The following FYN variants were observed in gnomAD, a reference collection of about 807,000 sequenced individuals.
The protein encoded by FYN is tyrosine-protein kinase Fyn.
In FYN, 10 loss-of-function variants were observed where a neutral mutation model predicts 70.2. The observed-to-expected ratio is 0.14, with a 90% confidence interval of 0.09 to 0.24. The LOEUF (loss-of-function observed/expected upper bound fraction) is 0.24, where lower values mean the gene tolerates loss of function less well. FYN is among the 10% of genes least tolerant of loss of function. The pLI, the probability that FYN is intolerant of heterozygous loss-of-function variation, is 1.00. For synonymous variants in FYN, 236 were observed against 248.6 expected, an observed-to-expected ratio of 0.95 and a Z score of 0.48; for missense variants, 319 against 673.1, an observed-to-expected ratio of 0.47 and a Z score of 5.82.
chr6:111,666,162 A>C (rs942970179), intron 13 of FYN, among the ~76,000 whole-genome samples: 1 of 151,992 alleles, frequency 6.6e-6, no homozygotes, highest in Non-Finnish European at 1.5e-5. Context: ...TTCTTAACAG[A>C]AAGAAGAGAC....
intron 1 of FYN, among the ~76,000 whole-genome samples, chr6:111,862,859 A>C (rs1774002171): frequency 6.6e-6 from 1 of 152,224 alleles, no homozygotes; most frequent in Admixed American, 6.5e-5. Flanking sequence ...GGGCCTAGAC[A>C]GGTGAGTAGA....
rs1341148310 is a variant in FYN at position 111,694,568 on chromosome 6, C to T, written c.1120-40G>A. On this transcript the variant is annotated intron_variant, in intron 11 of 13. Coordinates refer to ENST00000354650, the MANE Select transcript of FYN (RefSeq NM_002037.5). The surrounding 1 kb of genome is among the most constrained non-coding windows in gnomAD (Gnocchi z 5.0). Reference sequence around the variant, plus strand: ...GGAACAGGACATGTTACACCACGACCCAATGTACTTAGACACGTCATTAAA... The same window carrying T: ...GGAACAGGACATGTTACACCACGACTCAATGTACTTAGACACGTCATTAAA... 1.2e-6 allele frequency: 2 copies of T among 1,613,752 alleles called. No homozygotes were observed. Among genetic ancestry groups the T allele is most frequent in the South Asian group, 1.1e-5 (1 of 91,036 alleles).
At chr6:111,695,310 C>A (rs1226980720) in intron 10 of FYN, among the ~76,000 whole-genome samples, 1 of 152,148 alleles carries the variant, frequency 6.6e-6, no homozygotes, top group Non-Finnish European at 1.5e-5. Context: ...CAAGAAAAGA[C>A]AATCTGAAGA....
chr6:111,671,192 G>A (rs1375979838), intron 13 of FYN, among the ~76,000 whole-genome samples: 2 of 151,818 alleles, frequency 1.3e-5, no homozygotes, highest in East Asian at 1.9e-4. Flanking sequence ...TTTTTCCTTC[G>A]GCTTCCAGGT....
chr6:111,756,655 A>T (rs982928407), intron 3 of FYN, among the ~76,000 whole-genome samples: 2 of 152,236 alleles, frequency 1.3e-5, no homozygotes, highest in East Asian at 3.8e-4. Flanking sequence ...TGCAAGGATG[A>T]TTTAACTTTA....
rs1315558777 is a variant in FYN at position 111,660,568 on chromosome 6, A to G, written c.*1171T>C. 1 of 152,224 alleles carries G rather than the reference A, an allele frequency of 6.6e-6. No homozygotes were observed. Among genetic ancestry groups the G allele is most frequent in the African/African-American group, 2.4e-5 (1 of 41,450 alleles). 9.4% of individuals were successfully genotyped at this position (152,224 alleles called of 1,614,324 possible). On this transcript the variant is annotated 3_prime_UTR_variant, in exon 14 of 14. Transcript: ENST00000354650. ...TACTTTTTTGTTTTTGTGCATCCCC[A>G]TGAAATGTAAAGTAGTGCATAGTTA...
chr6:111,864,311 T>C (rs1044759744), intron 1 of FYN, among the ~76,000 whole-genome samples: 6 of 152,326 alleles, frequency 3.9e-5, no homozygotes, highest in African/African-American at 1.4e-4. Context: ...TGTGTTCAGA[T>C]CCCAGCTCTG....
At chr6:111,742,645 ATAGGC>A (rs1802029460) in intron 3 of FYN, among the ~76,000 whole-genome samples, 1 of 152,268 alleles carries the variant, frequency 6.6e-6, no homozygotes, top group Non-Finnish European at 1.5e-5. Flanking sequence ...AAAGGCCCTA[ATAGGC>A]TTTGCAACTG....
Position 111,700,107 on chromosome 6 carries a change from T to G in FYN, c.859A>C (p.Met287Leu), listed in dbSNP as rs774796125. 6.2e-7 allele frequency: 1 copy of G among 1,613,978 alleles called. No individual in the cohort carries two copies. Among genetic ancestry groups the G allele is most frequent in the Non-Finnish European group, 8.5e-7 (1 of 1,179,926 alleles). ...GAGTAATTGAGTCTCAGCATACCCA[T>G]CCATACTTCCCCAAACTGCCCATTT... The part of the protein sequence containing the change: ...LGNGQFGEVW[M>L]GTWNGNTKVA... The change falls in exon 9 of 14, where the codon ATG (methionine) becomes CTG (leucine). Residue 287 changes from methionine (M) to leucine (L), a missense_variant. Met to Leu is a conservative substitution (Grantham distance 15, BLOSUM62 2). Coordinates refer to ENST00000354650, the MANE Select transcript of FYN (RefSeq NM_002037.5).
chr6:111,691,112 GT>G (rs1799296687), intron 12 of FYN, among the ~76,000 whole-genome samples: 1 of 152,166 alleles, frequency 6.6e-6, no homozygotes, highest in Non-Finnish European at 1.5e-5. Flanking sequence ...TGCTTCTAGA[GT>G]GCTGTCAGTG....
chr6:111,848,152 T>C (rs1773584856), intron 1 of FYN, among the ~76,000 whole-genome samples: 2 of 152,138 alleles, frequency 1.3e-5, no homozygotes, highest in Admixed American at 1.3e-4. Flanking sequence ...ATGTATAGAG[T>C]GGAACTTTGC....
intron 1 of FYN, among the ~76,000 whole-genome samples, chr6:111,870,723 C>T (rs1045299116): frequency 9.2e-5 from 14 of 152,188 alleles, no homozygotes. Context: ...GAGGAGATGA[C>T]ATTTGAGCTG....
At chr6:111,740,464 C>A (rs1583390754) in intron 3 of FYN, among the ~76,000 whole-genome samples, 1 of 152,186 alleles carries the variant, frequency 6.6e-6, no homozygotes, top group Non-Finnish European at 1.5e-5. Flanking sequence ...GGGAAATATA[C>A]AAGTCACAAA....
chr6:111,710,766 A>C (rs1202156799), intron 5 of FYN, among the ~76,000 whole-genome samples: 1 of 152,208 alleles, frequency 6.6e-6, no homozygotes, highest in African/African-American at 2.4e-5. Context: ...ATAAATAGAT[A>C]TACTCTATAT....
chr6:111,867,783 G>A (rs967689238), intron 1 of FYN, among the ~76,000 whole-genome samples: 5 of 152,046 alleles, frequency 3.3e-5, no homozygotes, highest in East Asian at 1.9e-4. Flanking sequence ...AGTTCTGCCT[G>A]CCCTCGGTCA....
intron 2 of FYN, among the ~76,000 whole-genome samples, chr6:111,820,955 A>G (rs1299178876): frequency 1.3e-5 from 2 of 152,180 alleles, no homozygotes; most frequent in Non-Finnish European, 2.9e-5. Context: ...AAAGACAACT[A>G]TCCAGGGGTT....
At chr6:111,732,439 C>A (rs1206369272) in intron 3 of FYN, among the ~76,000 whole-genome samples, 3 of 152,276 alleles carry the variant, frequency 2.0e-5, no homozygotes, top group South Asian at 2.1e-4. Flanking sequence ...ACGGCCTTGG[C>A]AATCTTGCAG....
intron 1 of FYN, among the ~76,000 whole-genome samples, chr6:111,851,671 C>G (rs1433350384): frequency 2.0e-5 from 3 of 152,158 alleles, no homozygotes; most frequent in Non-Finnish European, 4.4e-5. Context: ...CCATCCCTAG[C>G]TCTGCTATTT....
chr6:111,747,319 T>C (rs761079410), intron 3 of FYN, among the ~76,000 whole-genome samples: 3 of 152,198 alleles, frequency 2.0e-5, no homozygotes, highest in Non-Finnish European at 4.4e-5. Flanking sequence ...GATGAGGTCT[T>C]GCTGAAAGGG....
Sources: allele counts gnomAD v4.1 joint callset (sites outside exome capture counted in the v4.1 genomes callset), GRCh38; gene constraint gnomAD v4.1.1; non-coding constraint Gnocchi (gnomAD v3.1); transcripts MANE v1.5; gene names NCBI Gene and HGNC (gene_info 2026-07-23, HGNC 2026-07-21).